The following ARMC2 variants were observed in gnomAD, a reference collection of about 807,000 sequenced individuals.
ARMC2 encodes armadillo repeat containing 2, also known as armadillo repeat-containing protein 2.
In ARMC2, 67 loss-of-function variants were observed where a neutral mutation model predicts 90.3. The ratio of observed to expected loss-of-function variants is 0.74; its 90% CI spans 0.61 to 0.91. ARMC2 has a LOEUF of 0.91. Ranked by LOEUF, ARMC2 falls within the 40% of genes least tolerant of loss-of-function variation. The pLI, the probability that ARMC2 is intolerant of heterozygous loss-of-function variation, is 0.00. For synonymous variants in ARMC2, 393 were observed against 393.0 expected, an observed-to-expected ratio of 1.00 and a Z score of 0.00; for missense variants, 920 against 1,030.9, an observed-to-expected ratio of 0.89 and a Z score of 1.47.
chr6:108,888,448 G>T (rs1201115466), intron 5 of ARMC2, among the ~76,000 whole-genome samples: 1 of 152,164 alleles, frequency 6.6e-6, no homozygotes, highest in African/African-American at 2.4e-5. Flanking sequence ...CATAGGAGAT[G>T]ACTTTATGTG....
chr6:108,991,276 A>G, the ARMC2 span, among the ~76,000 whole-genome samples: 1 of 151,876 alleles, frequency 6.6e-6, no homozygotes, highest in Admixed American at 6.6e-5. Flanking sequence ...AGGTCTCACT[A>G]TGTTGTCCAG....
At position 108,876,345 on chromosome 6, in the gene ARMC2, T is replaced by TGGA. The variant is rs1331294389; in HGVS notation, c.669_671dup (p.Gly224dup). On this transcript the variant is annotated inframe_insertion, in exon 5 of 18. Transcript: ENST00000392644. ...CATCTTTACCATCTCATCTCAAGAATGGAGGGTCAGTATTCTTTTTATTTA... is the reference window on the plus strand; with the variant it reads ...CATCTTTACCATCTCATCTCAAGAATGGAGGAGGGTCAGTATTCTTTTTATTTA... The TGGA allele has an allele frequency of 4.3e-6, 7 of 1,610,138 alleles. No homozygotes were observed. The Admixed American group carries it at 1.0e-4, about 23-fold the overall frequency.
intron 4 of ARMC2, 57 bp from the exon 5 acceptor site, chr6:108,876,086 G>T: frequency 7.8e-7 from 1 of 1,284,424 alleles, no homozygotes; most frequent in Non-Finnish European, 1.1e-6. Flanking sequence ...ACATTGAAAG[G>T]TAGTGATTCC....
the ARMC2 span, among the ~76,000 whole-genome samples, chr6:109,013,198 TA>T: frequency 1.3e-5 from 2 of 152,216 alleles, no homozygotes; most frequent in African/African-American, 4.8e-5. Context: ...CTGAAAGTTG[TA>T]AACTGTAGAG....
chr6:108,962,863 C>T (rs182390142), intron 15 of ARMC2, among the ~76,000 whole-genome samples: 7 of 152,154 alleles, frequency 4.6e-5, no homozygotes, highest in South Asian at 4.1e-4. Context: ...ATTAGCCAGA[C>T]GTGGTGGTGG....
intron 5 of ARMC2, among the ~76,000 whole-genome samples, chr6:108,878,321 C>T (rs1444436226): frequency 6.6e-6 from 1 of 152,098 alleles, no homozygotes; most frequent in East Asian, 1.9e-4. Flanking sequence ...TGGCAATTGT[C>T]AGTGAGCTGG....
chr6:108,950,779 TAA>T (rs774268172), intron 12 of ARMC2, among the ~76,000 whole-genome samples: 1 of 151,968 alleles, frequency 6.6e-6, no homozygotes, highest in Non-Finnish European at 1.5e-5. Context: ...CCTAAAAAGT[TAA>T]AAAAAGAGAG....
At position 108,869,002 on chromosome 6, in the gene ARMC2, C is replaced by T; in HGVS notation, c.463+7C>T. 1 of 1,598,678 alleles carries T rather than the reference C, an allele frequency of 6.3e-7. No homozygotes were observed. Among genetic ancestry groups the T allele is most frequent in the Non-Finnish European group, 8.5e-7 (1 of 1,172,352 alleles). ...TCCCTTCCTCCCTCCGACTGTAAGG[C>T]CATGTAACATCCTGTAATCTCTGGG... On this transcript the variant is annotated splice_region_variant and intron_variant, in intron 4 of 17. Coordinates refer to ENST00000392644, the MANE Select transcript of ARMC2 (RefSeq NM_032131.6).
chr6:108,857,242 C>G (rs1774729966), intron 2 of ARMC2, among the ~76,000 whole-genome samples: 1 of 152,196 alleles, frequency 6.6e-6, no homozygotes, highest in African/African-American at 2.4e-5. Flanking sequence ...TGATTTCTTT[C>G]ACTGAGTTTT....
chr6:108,856,307 A>G (rs1470003242), intron 2 of ARMC2: 1 of 147,746 alleles, frequency 6.8e-6, no homozygotes, highest in African/African-American at 2.5e-5. Context: ...TTGTCCCAGC[A>G]CTGTTTTTTT....
At chr6:109,014,276 A>T in the ARMC2 span, among the ~76,000 whole-genome samples, 2 of 152,198 alleles carry the variant, frequency 1.3e-5, no homozygotes, top group Non-Finnish European at 2.9e-5. Context: ...TTCTAGGCTG[A>T]TAATAATAAG....
chr6:108,935,679 G>C (rs1010537765), intron 11 of ARMC2, among the ~76,000 whole-genome samples: 3 of 152,124 alleles, frequency 2.0e-5, no homozygotes, highest in Non-Finnish European at 4.4e-5. Context: ...CTGGCCTCAA[G>C]TGATCCTCCT....
the ARMC2 span, among the ~76,000 whole-genome samples, chr6:109,031,068 G>A: frequency 1.3e-5 from 2 of 152,172 alleles, no homozygotes; most frequent in Admixed American, 6.5e-5. Context: ...ACCACAAACT[G>A]CAAATATCCA....
At chr6:108,936,385 T>G (rs557625760) in intron 11 of ARMC2, among the ~76,000 whole-genome samples, 2 of 152,190 alleles carry the variant, frequency 1.3e-5, no homozygotes, top group Admixed American at 1.3e-4. Flanking sequence ...GCCTCCAGAG[T>G]AGCTGGGATT....
At chr6:108,925,656 TAACAGAA>T (rs1324920468) in intron 10 of ARMC2, among the ~76,000 whole-genome samples, 1 of 151,990 alleles carries the variant, frequency 6.6e-6, no homozygotes, top group Non-Finnish European at 1.5e-5. Context: ...TGGCTTGGAG[TAACAGAA>T]AGCAGAAAGG....
At chr6:109,027,476 CAA>C in the ARMC2 span, among the ~76,000 whole-genome samples, 6 of 27,320 alleles carry the variant, frequency 2.2e-4, no homozygotes, top group East Asian at 4.1e-3. Context: ...GACTCTGTCT[CAA>C]AAAAAAAAAA....
At chr6:109,021,578 C>T in the ARMC2 span, among the ~76,000 whole-genome samples, 26 of 151,980 alleles carry the variant, frequency 1.7e-4, 1 homozygote, top group African/African-American at 5.8e-4. Flanking sequence ...GCTGGGACTA[C>T]GGATGCCTGC....
intron 12 of ARMC2, among the ~76,000 whole-genome samples, chr6:108,942,968 T>C (rs1776559726): frequency 6.6e-6 from 1 of 152,176 alleles, no homozygotes; most frequent in Non-Finnish European, 1.5e-5. Context: ...TACACATGCC[T>C]CTTGAACTGA....
intron 10 of ARMC2, among the ~76,000 whole-genome samples, chr6:108,916,452 C>T (rs534373564): frequency 1.7e-4 from 26 of 152,338 alleles, no homozygotes; most frequent in African/African-American, 6.3e-4. Flanking sequence ...GGTGCTGCCA[C>T]CTGTGCATCA....
Sources: allele counts gnomAD v4.1 joint callset (sites outside exome capture counted in the v4.1 genomes callset), GRCh38; gene constraint gnomAD v4.1.1; transcripts MANE v1.5; gene names NCBI Gene and HGNC (gene_info 2026-07-23, HGNC 2026-07-21).